RCC1L: variants seen among roughly 807,000 people sequenced by gnomAD.
RCC1L encodes the protein RCC1 like.
A neutral mutation model predicts 58.6 loss-of-function variants in RCC1L; 46 were observed. The ratio of observed to expected loss-of-function variants is 0.79; its 90% confidence interval spans 0.62 to 1.00. The LOEUF (loss-of-function observed/expected upper bound fraction) is 1.00, where lower values mean the gene tolerates loss of function less well. Ranked by LOEUF, RCC1L falls within the 50% of genes least tolerant of loss-of-function variation. RCC1L has a pLI of 0.00. For missense variants in RCC1L, 636 were observed against 623.6 expected, an observed-to-expected ratio of 1.02 and a Z score of -0.21; for synonymous variants, 281 against 262.9, an observed-to-expected ratio of 1.07 and a Z score of -0.67.
At chr7:75,046,872 G>A (rs955015225) in intron 10 of RCC1L, among the ~76,000 whole-genome samples, 3 of 152,208 alleles carry the variant, frequency 2.0e-5, no homozygotes, top group Non-Finnish European at 2.9e-5. Flanking sequence ...AACCCTGGGC[G>A]GTGAGTCCTT....
chr7:75,047,899 C>T (rs1805778423), intron 10 of RCC1L, among the ~76,000 whole-genome samples: 2 of 147,192 alleles, frequency 1.4e-5, no homozygotes, highest in African/African-American at 5.0e-5. Context: ...CCCATCTTGG[C>T]CTCCCAAAGT....
In RCC1L at chr7:75,043,102, A is replaced by T; in HGVS notation, c.1325T>A (p.Met442Lys). The T allele has an allele frequency of 6.2e-7, 1 of 1,614,034 alleles. No individual in the cohort carries two copies. The highest frequency in any genetic ancestry group is 8.5e-7 in the Non-Finnish European group (1 of 1,179,872). The change falls in exon 11 of 11, where the codon ATG becomes AAG. Residue 442 changes from methionine to lysine, a missense_variant. Met to Lys is a moderately conservative substitution (Grantham distance 95). Coordinates refer to ENST00000610322, the MANE Select transcript of RCC1L (RefSeq NM_030798.5). ...EDQYFPWRVT[M>K]PGEPVDVACG... Reference sequence around the variant, plus strand: ...TGCCACGTCCACAGGCTCCCCAGGCATCGTCACCTGAAAAATAAGATCCAG... The same window carrying T: ...TGCCACGTCCACAGGCTCCCCAGGCTTCGTCACCTGAAAAATAAGATCCAG...
rs781906959 is a variant in RCC1L, at chr7:75,055,931, A to G, written c.1201T>C (p.Cys401Arg). The G allele has an allele frequency of 1.5e-5, 24 of 1,613,998 alleles. No homozygotes were observed. The highest frequency in any genetic ancestry group is 2.0e-5 in the Non-Finnish European group (24 of 1,179,870). ...AGTGCAGCAAAGTGGCTGAGTCCAC[A>G]TCGGATGCGGGAAACCTGGATTTCT... ...NPEIQVSRIR[C>R]GLSHFAALTN... The change falls in exon 9 of 11, where the codon TGT becomes CGT. Residue 401 changes from cysteine (C) to arginine (R), a missense_variant. Transcript: ENST00000610322.
downstream of RCC1L, among the ~76,000 whole-genome samples, chr7:75,040,440 A>G (rs1198894543): frequency 6.6e-6 from 1 of 152,168 alleles, no homozygotes; most frequent in Non-Finnish European, 1.5e-5. Context: ...AGCCTGGGCA[A>G]CAGAGAGAGA....
intron 10 of RCC1L, among the ~76,000 whole-genome samples, chr7:75,050,207 G>A (rs1449308589): frequency 1.3e-5 from 2 of 152,118 alleles, no homozygotes; most frequent in Non-Finnish European, 2.9e-5. Context: ...ACTTGAACCC[G>A]GAAGGTGGAG....
At chr7:75,032,436 C>T (rs1805328223) in intron 10 of RCC1L, among the ~76,000 whole-genome samples, 2 of 152,312 alleles carry the variant, frequency 1.3e-5, no homozygotes, top group Admixed American at 6.5e-5. Flanking sequence ...TGGCTACTGC[C>T]CTCTTGGTAG....
intron 10 of RCC1L, 111 bp from the exon 11 acceptor site, chr7:75,043,220 C>A: frequency 8.4e-7 from 1 of 1,188,622 alleles, no homozygotes; most frequent in Non-Finnish European, 1.2e-6. Context: ...CAGTAGGAGA[C>A]AGCTTGTCTC....
chr7:75,041,016 G>C (rs992230894), downstream of RCC1L, among the ~76,000 whole-genome samples: 9 of 152,100 alleles, frequency 5.9e-5, 1 homozygote, highest in African/African-American at 2.2e-4. Flanking sequence ...TCAGGAGTTC[G>C]AGAACAGCCT....
chr7:75,053,053 G>C (rs1805963939), intron 9 of RCC1L, among the ~76,000 whole-genome samples: 1 of 149,810 alleles, frequency 6.7e-6, no homozygotes, highest in Non-Finnish European at 1.5e-5. Context: ...ATGAAGATGG[G>C]GCAGGGGGCA....
chr7:75,062,748 C>T (rs963700537), intron 5 of RCC1L, among the ~76,000 whole-genome samples: 7 of 152,276 alleles, frequency 4.6e-5, no homozygotes, highest in Non-Finnish European at 7.4e-5. Context: ...CCACCACATC[C>T]GGCCTCAGTT....
chr7:75,052,900 A>G (rs1465212357), intron 9 of RCC1L, 104 bp from the exon 10 acceptor site: 3 of 1,062,742 alleles, frequency 2.8e-6, no homozygotes, highest in African/African-American at 3.1e-5. Context: ...AGATACCTAC[A>G]GAGCCCACTG....
downstream of RCC1L, among the ~76,000 whole-genome samples, chr7:75,038,868 C>T (rs1382836665): frequency 2.0e-5 from 3 of 152,134 alleles, no homozygotes; most frequent in Non-Finnish European, 2.9e-5. Flanking sequence ...CTCCTGCCTC[C>T]GGGGGGAAAC....
intron 9 of RCC1L, 49 bp downstream of exon 9, chr7:75,055,852 G>C: frequency 6.2e-7 from 1 of 1,611,254 alleles, no homozygotes; most frequent in Non-Finnish European, 8.5e-7. Flanking sequence ...ACTGGAGACA[G>C]AGAACCTCTG....
At chr7:75,051,526 C>T (rs1213115978) in intron 10 of RCC1L, among the ~76,000 whole-genome samples, 3 of 151,950 alleles carry the variant, frequency 2.0e-5, no homozygotes, top group African/African-American at 2.4e-5. Context: ...TGATTTCCTG[C>T]CTCAGCCTCC....
intron 1 of RCC1L, among the ~76,000 whole-genome samples, chr7:75,071,209 T>C (rs192403847): frequency 8.5e-4 from 130 of 152,308 alleles, no homozygotes; most frequent in Middle Eastern, 6.8e-3. Flanking sequence ...ATTTACTATA[T>C]GTTTGATAAG....
chr7:75,029,418 G>A (rs1227395373), intron 10 of RCC1L, among the ~76,000 whole-genome samples: 3 of 147,052 alleles, frequency 2.0e-5, no homozygotes, highest in African/African-American at 5.1e-5. Flanking sequence ...ATCTCGGTTC[G>A]CTGCAACCTC....
At chr7:75,056,866 C>T in intron 8 of RCC1L, 1 of 853,562 alleles carries the variant, frequency 1.2e-6, no homozygotes, top group Non-Finnish European at 1.9e-6. Context: ...TTGCCCAGTG[C>T]AGTGGCATGA....
intron 1 of RCC1L, among the ~76,000 whole-genome samples, chr7:75,071,656 A>AAAAC (rs1806732661): frequency 6.6e-6 from 1 of 152,052 alleles, no homozygotes; most frequent in African/African-American, 2.4e-5. Context: ...AAAACAAAAC[A>AAAAC]AAACAAAACA....
chr7:75,046,489 G>C (rs995302057), intron 10 of RCC1L, among the ~76,000 whole-genome samples: 1 of 152,232 alleles, frequency 6.6e-6, no homozygotes, highest in Non-Finnish European at 1.5e-5. Context: ...GATGGTCTCT[G>C]CTGCGGGTGG....
Sources: gnomAD v4.1 joint callset for allele counts (sites outside exome capture counted in the v4.1 genomes callset) on GRCh38, gnomAD v4.1.1 for gene constraint, MANE v1.5 for transcripts, NCBI Gene and HGNC (gene_info 2026-07-23, HGNC 2026-07-21) for gene names.